Variants in CDH8 observed in about 807,000 individuals in gnomAD.
The protein encoded by CDH8 is cadherin-8.
A neutral mutation model predicts 68.1 loss-of-function variants in CDH8; 17 were observed. That is an observed-to-expected ratio of 0.25 (90% CI 0.17 to 0.37). The LOEUF is 0.37. Among genes scored for constraint, CDH8 ranks in the 10% least tolerant of loss-of-function variants. The pLI, the probability that CDH8 is intolerant of heterozygous loss-of-function variation, is 1.00. For synonymous variants in CDH8, 372 were observed against 365.1 expected (o/e 1.02, Z -0.21); for missense variants, 763 against 999.3 (o/e 0.76, Z 3.19).
In CDH8 at chr16:61,998,327, ATAAT is replaced by A. The variant is rs372259531; in HGVS notation, c.252+22821_252+22824del. On this transcript the variant is annotated intron_variant, in intron 2 of 11. Coordinates refer to ENST00000577390, the MANE Select transcript of CDH8 (RefSeq NM_001796.5). ...AAAATGTGGTCTTCTATGGTAAATA[ATAAT>A]TAAAGCACTTCATCAAATATCTGCA... Among the ~76,000 whole-genome samples, 49 of 152,334 alleles carry A rather than the reference ATAAT, an allele frequency of 3.2e-4. No individual in the cohort carries two copies. The East Asian group carries it at 7.1e-3, about 22-fold the overall frequency.
chr16:62,009,686 C>T (rs1404069755), intron 2 of CDH8, among the ~76,000 whole-genome samples: 8 of 152,226 alleles, frequency 5.3e-5, no homozygotes, highest in Non-Finnish European at 8.8e-5. Context: ...ACAGCTCTGG[C>T]GTGGTTAAAA....
At chr16:61,685,149 GA>G (rs1347074499) in intron 10 of CDH8, among the ~76,000 whole-genome samples, 2 of 141,520 alleles carry the variant, frequency 1.4e-5, no homozygotes, top group African/African-American at 5.2e-5. Context: ...GAAGTTGGGA[GA>G]AAAGGCATTG....
At chr16:61,682,276 T>G (rs959344333) in intron 10 of CDH8, among the ~76,000 whole-genome samples, 1 of 151,894 alleles carries the variant, frequency 6.6e-6, no homozygotes, top group Admixed American at 6.6e-5. Flanking sequence ...GTTCATGTAT[T>G]AGGAAAAAAT....
Position 61,711,301 on chromosome 16 carries a change from T to C in CDH8, c.1654+2540A>G, listed in dbSNP as rs571786003. On this transcript the variant is annotated intron_variant, in intron 10 of 11. Transcript: ENST00000577390. ...TTGAAATATATGGTGGCAAGTTCCT[T>C]AGAAAATGCCAAATACTGAAATCAT... Among the ~76,000 whole-genome samples, 13 of 150,128 alleles carry C rather than the reference T, an allele frequency of 8.7e-5. 1 individual carries two copies. In the South Asian group the frequency reaches 2.7e-3, roughly 31 times the overall value.
chr16:61,901,840 C>T (rs1166939975), intron 2 of CDH8, among the ~76,000 whole-genome samples: 1 of 151,970 alleles, frequency 6.6e-6, no homozygotes, highest in Non-Finnish European at 1.5e-5. Flanking sequence ...TCTGTATGCC[C>T]AGGACTAGGT....
intron 4 of CDH8, among the ~76,000 whole-genome samples, chr16:61,829,943 A>G (rs1200832309): frequency 6.7e-6 from 1 of 149,968 alleles, no homozygotes; most frequent in African/African-American, 2.5e-5. Context: ...GGATCCTCTT[A>G]TTTTTCTTTT....
chr16:61,714,301 A>C, intron 9 of CDH8: 1 of 260,042 alleles, frequency 3.8e-6, no homozygotes, highest in South Asian at 4.2e-5. Context: ...TGAGATTTGG[A>C]ATTGTTACAG....
intron 2 of CDH8, among the ~76,000 whole-genome samples, chr16:61,928,562 C>A (rs771310882): frequency 1.3e-5 from 2 of 152,148 alleles, no homozygotes; most frequent in Non-Finnish European, 1.5e-5. Flanking sequence ...CCCCTAGCCA[C>A]TGAGTGTTGT....
At chr16:61,938,561 T>C (rs1357304498) in intron 2 of CDH8, among the ~76,000 whole-genome samples, 3 of 152,194 alleles carry the variant, frequency 2.0e-5, no homozygotes, top group Admixed American at 2.0e-4. Context: ...ATAACACATA[T>C]GGCAAGTAAC....
chr16:61,708,380 A>G (rs961983554), intron 10 of CDH8, among the ~76,000 whole-genome samples: 1 of 152,214 alleles, frequency 6.6e-6, no homozygotes, highest in African/African-American at 2.4e-5. Flanking sequence ...ACACTAAAAA[A>G]TAGATACCCA....
chr16:61,811,211 GAATGAATA>G (rs1397475981), intron 7 of CDH8, among the ~76,000 whole-genome samples: 1 of 152,056 alleles, frequency 6.6e-6, no homozygotes, highest in Non-Finnish European at 1.5e-5. Context: ...AAATATATAT[GAATGAATA>G]AATGAATTAA....
At chr16:61,949,004 C>T (rs1470512493) in intron 2 of CDH8, among the ~76,000 whole-genome samples, 13 of 152,138 alleles carry the variant, frequency 8.5e-5, no homozygotes, top group Admixed American at 5.2e-4. Flanking sequence ...TCTCACATCT[C>T]TAAATTGGAG....
At chr16:61,797,232 T>A (rs1161785611) in intron 7 of CDH8, among the ~76,000 whole-genome samples, 1 of 152,094 alleles carries the variant, frequency 6.6e-6, no homozygotes, top group East Asian at 1.9e-4. Context: ...TTTGTTTTTT[T>A]GTAATAAAGA....
chr16:61,782,664 A>G (rs1961107038), intron 8 of CDH8, among the ~76,000 whole-genome samples: 1 of 152,136 alleles, frequency 6.6e-6, no homozygotes, highest in Non-Finnish European at 1.5e-5. Flanking sequence ...AGACAGCAGT[A>G]ACCTCTGCAG....
Position 61,838,193 on chromosome 16 carries a change from A to G in CDH8, c.668-13014T>C, listed in dbSNP as rs574755300. On this transcript the variant is annotated intron_variant, in intron 4 of 11. Coordinates refer to ENST00000577390, the MANE Select transcript of CDH8 (RefSeq NM_001796.5). Reference sequence around the variant, plus strand: ...CCTTCTCTAGATTTTTAAAGATTACATGACTCTCCTTTGGCTTACACTTCC... The same window carrying G: ...CCTTCTCTAGATTTTTAAAGATTACGTGACTCTCCTTTGGCTTACACTTCC... Among the ~76,000 whole-genome samples, 379 of 152,262 alleles carry G rather than the reference A, an allele frequency of 2.5e-3. 2 individuals are homozygous for G. Among genetic ancestry groups the G allele is most frequent in the Non-Finnish European group, 4.3e-3 (294 of 68,008 alleles).
In CDH8 at chr16:61,962,429, GTACCTGAGTGTAT is replaced by G. The variant is rs1965172152; in HGVS notation, c.252+58710_252+58722del. On this transcript the variant is annotated intron_variant, in intron 2 of 11. Coordinates refer to ENST00000577390, the MANE Select transcript of CDH8 (RefSeq NM_001796.5). The stretch of plus-strand genomic sequence containing the variant: ...CTTTGTATTACCGGAGTATATGACG[GTACCTGAGTGTAT>G]TACCTGAGTGTATGACCATCACACT... Among the ~76,000 whole-genome samples the G allele has an allele frequency of 3.3e-5, 5 of 152,086 alleles. No homozygotes were observed. The South Asian group carries it at 1.0e-3, about 32-fold the overall frequency.
rs1963299739 is a variant in CDH8, at chr16:61,650,670, G to GTT, written c.*2936_*2937dup. The GTT allele has an allele frequency of 2.6e-5, 3 of 115,736 alleles. No individual in the cohort carries two copies. Among genetic ancestry groups the GTT allele is most frequent in the Non-Finnish European group, 5.5e-5 (3 of 54,190 alleles). The allele number at this position is 115,736 out of a possible 1,614,324, so 7.2% of individuals were successfully genotyped here. A position where few individuals can be genotyped will look rare whatever the true frequency, so the allele number is the denominator to read the frequency against. ...CAAAATGTGTGTTTTTTATTTGTTT[G>GTT]TTGTGTGTGTGTGTGTGTGTGTGTG... On this transcript the variant is annotated 3_prime_UTR_variant, in exon 12 of 12. Transcript: ENST00000577390.
chr16:61,661,220 A>G (rs559112654), intron 10 of CDH8, among the ~76,000 whole-genome samples: 6 of 152,168 alleles, frequency 3.9e-5, no homozygotes, highest in Admixed American at 3.3e-4. Flanking sequence ...AAATCAAGGT[A>G]GAAGGTAGAA....
intron 2 of CDH8, among the ~76,000 whole-genome samples, chr16:61,946,200 GC>G (rs1964799038): frequency 1.3e-5 from 2 of 152,234 alleles, no homozygotes; most frequent in South Asian, 4.1e-4. Flanking sequence ...GATCTACCCT[GC>G]TGTTTTGGAG....
Sources: allele counts gnomAD v4.1 joint callset (sites outside exome capture counted in the v4.1 genomes callset), GRCh38; gene constraint gnomAD v4.1.1; transcripts MANE v1.5; gene names NCBI Gene and HGNC (gene_info 2026-07-23, HGNC 2026-07-21).